Variants in LY9 observed in about 807,000 individuals in gnomAD.
The protein encoded by LY9 is T-lymphocyte surface antigen Ly-9.
Under a neutral mutation model 64.6 loss-of-function variants are expected in LY9, and 59 were observed. The observed-to-expected ratio is 0.91, with a 90% confidence interval of 0.74 to 1.13. The LOEUF (loss-of-function observed/expected upper bound fraction) is 1.13. Ranked by LOEUF, LY9 falls within the 50% of genes most tolerant of loss-of-function variation. The probability of loss-of-function intolerance (pLI) is 0.00; values close to 1 mark genes in which losing one functional copy is unlikely to be tolerated. For synonymous variants in LY9, 281 were observed against 308.5 expected, an observed-to-expected ratio of 0.91 and a Z score of 0.93; for missense variants, 789 against 797.2, an observed-to-expected ratio of 0.99 and a Z score of 0.12.
At chr1:160,798,285 C>T (rs1222679918) in intron 1 of LY9, among the ~76,000 whole-genome samples, 1 of 152,122 alleles carries the variant, frequency 6.6e-6, no homozygotes, top group Non-Finnish European at 1.5e-5. Context: ...CTCCTGGCCT[C>T]CCTACTCCAG....
Position 160,800,175 on chromosome 1 carries a change from A to G in LY9, c.454+93A>G, listed in dbSNP as rs966502793. 10 of 903,430 alleles carry G rather than the reference A, an allele frequency of 1.1e-5. No homozygotes were observed. The East Asian group carries it at 1.5e-4, about 13-fold the overall frequency. 56.0% of individuals were successfully genotyped at this position (903,430 alleles called of 1,614,324 possible). On this transcript the variant is annotated intron_variant, in intron 2 of 9. Coordinates refer to ENST00000263285, the MANE Select transcript of LY9 (RefSeq NM_002348.4). ...GTGTGAAATTTTGTTATATGTATAT[A>G]GTGCATACTGATCAAGTCAGAGTTT...
chr1:160,827,320 A>G (rs941832149), intron 9 of LY9, among the ~76,000 whole-genome samples: 17 of 152,178 alleles, frequency 1.1e-4, no homozygotes, highest in Non-Finnish European at 2.5e-4. Flanking sequence ...AGGGAAGCCT[A>G]AGAACCCTTG....
rs369193329 is a variant in LY9, at chr1:160,813,914, A to G, written c.730+3A>G. On this transcript the variant is annotated splice_donor_region_variant and intron_variant, in intron 3 of 9. Coordinates refer to ENST00000263285, the MANE Select transcript of LY9 (RefSeq NM_002348.4). ...CCATGTTGGGCAGTTCTGTACAGGT[A>G]ACTGGCTCCAACTTGGCCCTTGAGG... 1 of 1,609,112 alleles carries G rather than the reference A, an allele frequency of 6.2e-7. No homozygotes were observed. Among genetic ancestry groups the G allele is most frequent in the African/African-American group, 1.3e-5 (1 of 74,616 alleles).
chr1:160,813,454 G>C, intron 2 of LY9, 182 bp from the exon 3 acceptor site: 1 of 606,872 alleles, frequency 1.6e-6, no homozygotes, highest in South Asian at 2.0e-5. Flanking sequence ...CACCTGTAGC[G>C]GATGTTATGG....
intron 1 of LY9, chr1:160,797,161 C>T: frequency 3.0e-6 from 3 of 985,524 alleles, no homozygotes; most frequent in Non-Finnish European, 3.6e-6. Flanking sequence ...ACCCCACTGT[C>T]CAGCAGATAG....
chr1:160,806,194 C>T (rs1474133734), intron 2 of LY9, among the ~76,000 whole-genome samples: 1 of 152,012 alleles, frequency 6.6e-6, no homozygotes, highest in Non-Finnish European at 1.5e-5. Context: ...ATATGTGAAG[C>T]TTTTTCCTGT....
At chr1:160,826,968 GCA>G (rs1420766266) in intron 9 of LY9, among the ~76,000 whole-genome samples, 9 of 152,116 alleles carry the variant, frequency 5.9e-5, no homozygotes, top group Non-Finnish European at 7.4e-5. Context: ...GTCCTGCAAG[GCA>G]CACACACTAC....
chr1:160,812,475 T>C (rs1377470613), intron 2 of LY9: 1 of 152,218 alleles, frequency 6.6e-6, no homozygotes, highest in Non-Finnish European at 1.5e-5. Flanking sequence ...TCTGTATCTA[T>C]TAAGGAAACG....
intron 2 of LY9, chr1:160,801,763 C>T (rs1043133414): frequency 6.4e-7 from 1 of 1,559,050 alleles, no homozygotes; most frequent in African/African-American, 1.4e-5. Context: ...CTTCATTCTT[C>T]TGCATGTGAC....
intron 2 of LY9, chr1:160,812,793 A>G (rs1202203053): frequency 2.0e-5 from 3 of 152,236 alleles, no homozygotes; most frequent in African/African-American, 7.2e-5. Context: ...TATTCAAAAG[A>G]AGAAATATTG....
chr1:160,815,168 CG>C, intron 4 of LY9: 1 of 173,882 alleles, frequency 5.8e-6, no homozygotes, highest in Non-Finnish European at 1.2e-5. Flanking sequence ...TGGTAAACCC[CG>C]TCTCTACTAA....
intron 2 of LY9, chr1:160,802,162 C>G (rs1666558795): frequency 7.8e-7 from 1 of 1,274,588 alleles, no homozygotes; most frequent in Non-Finnish European, 9.9e-7. Flanking sequence ...CCGCAGGAAC[C>G]GGGCTGGGCC....
chr1:160,810,314 T>G (rs1337366502), intron 2 of LY9: 1 of 152,222 alleles, frequency 6.6e-6, no homozygotes, highest in Non-Finnish European at 1.5e-5. Flanking sequence ...ACAACAGAAA[T>G]TTATTTCTCA....
chr1:160,827,665 C>T, intron 9 of LY9, 83 bp from the exon 10 acceptor site: 2 of 1,080,794 alleles, frequency 1.9e-6, no homozygotes, highest in Non-Finnish European at 2.7e-6. Flanking sequence ...CCAGTCATAG[C>T]CTGGCCTTGC....
Position 160,824,238 on chromosome 1 carries a change from C to T in LY9, c.1888C>T (p.Arg630Trp), listed in dbSNP as rs374075565. Residue 630 changes from arginine (R) to tryptophan (W), a missense_variant, in exon 9 of 10, where the codon CGG (arginine) becomes TGG (tryptophan). Transcript: ENST00000263285. ...ESSATIYCSI[R>W]KPQVVPPPQQ... ...CTCAGCCACAATCTACTGCTCCATACGGAAACCTCAGGTGGTGAGAACTAC... is the reference window on the plus strand; with the variant it reads ...CTCAGCCACAATCTACTGCTCCATATGGAAACCTCAGGTGGTGAGAACTAC... 3.1e-5 allele frequency: 50 copies of T among 1,613,996 alleles called. No individual in the cohort carries two copies. The highest frequency in any genetic ancestry group is 3.7e-5 in the Non-Finnish European group (44 of 1,179,970).
rs563546768 is a variant in LY9, at chr1:160,816,461, C to T, written c.1073-133C>T. On this transcript the variant is annotated intron_variant, in intron 4 of 9. Transcript: ENST00000263285. ...AAAATGCCAGGTATACTCCAAAATT[C>T]CTGTGGCTCCTGGAGGCACTTTGCC... 4 of 985,364 alleles carry T rather than the reference C, an allele frequency of 4.1e-6. No individual in the cohort carries two copies. The South Asian group carries it at 5.2e-5, about 13-fold the overall frequency. 61.0% of individuals were successfully genotyped at this position (985,364 alleles called of 1,614,324 possible). A position where few individuals can be genotyped will look rare whatever the true frequency, so the allele number is the denominator to read the frequency against.
chr1:160,809,587 C>A (rs933111261), intron 2 of LY9, among the ~76,000 whole-genome samples: 1 of 151,780 alleles, frequency 6.6e-6, no homozygotes, highest in Middle Eastern at 3.4e-3. Context: ...ATTCCAAACT[C>A]CTGGCCTCAA....
rs1667781219 is a variant in LY9, at chr1:160,814,490, G to A, written c.801G>A (p.Leu267=). 6.2e-7 allele frequency: 1 copy of A among 1,614,136 alleles called. No homozygotes were observed. Among genetic ancestry groups the A allele is most frequent in the Middle Eastern group, 1.6e-4 (1 of 6,062 alleles). The change falls in exon 4 of 10, where the codon CTG becomes CTA. Residue 267 remains leucine (L), a synonymous_variant. Coordinates refer to ENST00000263285, the MANE Select transcript of LY9 (RefSeq NM_002348.4). ...GGGTCCTGGGAGAGCCAGTCACCCT[G>A]CCACTTGCACTCCCAGCCTGCCGGG... The part of the protein sequence containing the change: ...VVGVLGEPVT[L]PLALPACRDT...
intron 2 of LY9, among the ~76,000 whole-genome samples, chr1:160,803,021 C>A (rs1383369891): frequency 6.6e-6 from 1 of 152,064 alleles, no homozygotes; most frequent in Non-Finnish European, 1.5e-5. Flanking sequence ...GTGATTCATG[C>A]CCGTAATCCC....
Sources: allele counts gnomAD v4.1 joint callset (sites outside exome capture counted in the v4.1 genomes callset), GRCh38; gene constraint gnomAD v4.1.1; transcripts MANE v1.5; gene names NCBI Gene and HGNC (gene_info 2026-07-23, HGNC 2026-07-21).